The following HTR2C variants were observed in gnomAD, a reference collection of about 807,000 sequenced individuals.
The protein encoded by HTR2C is 5-hydroxytryptamine receptor 2C, also known as 5-hydroxytryptamine (serotonin) receptor 2C, G protein-coupled.
A neutral mutation model predicts 21.0 loss-of-function variants in HTR2C; 5 were observed. The ratio of observed to expected loss-of-function variants is 0.24; its 90% CI spans 0.12 to 0.50. The LOEUF is 0.50. Ranked by LOEUF, HTR2C falls within the 20% of genes least tolerant of loss-of-function variation. The pLI is 0.98. For synonymous variants in HTR2C, 150 were observed against 145.3 expected, an observed-to-expected ratio of 1.03 and a Z score of -0.23; for missense variants, 271 against 371.2, an observed-to-expected ratio of 0.73 and a Z score of 2.22.
At chrX:114,631,893 A>G (rs782456513) in intron 2 of HTR2C, among the ~76,000 whole-genome samples, 177 of 111,772 alleles carry the variant, frequency 1.6e-3, no homozygotes, top group African/African-American at 5.5e-3. Flanking sequence ...TCAATTTTTC[A>G]TTTATTCTGT....
intron 2 of HTR2C, among the ~76,000 whole-genome samples, chrX:114,649,774 A>T (rs1201710923): frequency 1.8e-5 from 2 of 109,962 alleles, no homozygotes; most frequent in African/African-American, 3.3e-5. Context: ...CATCACCACG[A>T]CTGGCTAATT....
chrX:114,646,670 T>C (rs1309176705), intron 2 of HTR2C, among the ~76,000 whole-genome samples: 1 of 112,248 alleles, frequency 8.9e-6, no homozygotes, highest in East Asian at 2.8e-4. Context: ...AGAAACTTTT[T>C]AGTTTGATGC....
chrX:114,782,646 A>T (rs1237405838), intron 4 of HTR2C, among the ~76,000 whole-genome samples: 1 of 110,606 alleles, frequency 9.0e-6, no homozygotes, highest in Admixed American at 9.7e-5. Context: ...TGACCCCACA[A>T]GATCAAGGAT....
In HTR2C at chrX:114,645,770, G is replaced by GA. The variant is rs782220731; in HGVS notation, c.-80+31895dup. Among the ~76,000 whole-genome samples the GA allele has an allele frequency of 1.3e-4, 14 of 111,745 alleles. No homozygotes were observed. In the East Asian group the frequency reaches 2.8e-3, roughly 22 times the overall value. ...ATAAATAAGAAAAAGACATTTTTAT[G>GA]AAAAAAGATAAGATATGGACCTTTT... On this transcript the variant is annotated intron_variant, in intron 2 of 5. Transcript: ENST00000276198.
intron 5 of HTR2C, among the ~76,000 whole-genome samples, chrX:114,903,284 T>TA (rs782417803): frequency 9.1e-4 from 102 of 112,629 alleles, no homozygotes; most frequent in African/African-American, 3.1e-3. Context: ...TCATGGTTTC[T>TA]AAAAACAAAA....
chrX:114,703,605 G>A (rs1334223857), intron 2 of HTR2C, among the ~76,000 whole-genome samples: 1 of 111,870 alleles, frequency 8.9e-6, no homozygotes, highest in Non-Finnish European at 1.9e-5. Context: ...ACAAGAGAAA[G>A]CAGGAAAGAT....
chrX:114,849,093 T>G (rs1420500881), intron 5 of HTR2C, among the ~76,000 whole-genome samples: 1 of 112,222 alleles, frequency 8.9e-6, no homozygotes, highest in Non-Finnish European at 1.9e-5. Context: ...AGTTTTAAGA[T>G]TGTTCTATTG....
intron 4 of HTR2C, among the ~76,000 whole-genome samples, chrX:114,736,381 A>G (rs1303464761): frequency 1.8e-5 from 2 of 111,379 alleles, no homozygotes; most frequent in Non-Finnish European, 3.8e-5. Context: ...AATGGTAACA[A>G]TAAAGCAGAA....
chrX:114,824,423 T>C (rs901537426), intron 4 of HTR2C, among the ~76,000 whole-genome samples: 7 of 112,265 alleles, frequency 6.2e-5, no homozygotes, highest in East Asian at 2.8e-4. Flanking sequence ...TTTAGCTTTA[T>C]AAATAATTGG....
chrX:114,730,506 A>T (rs1226004548), intron 3 of HTR2C, among the ~76,000 whole-genome samples: 1 of 112,176 alleles, frequency 8.9e-6, no homozygotes, highest in Non-Finnish European at 1.9e-5. Flanking sequence ...AGGAAAGTTT[A>T]TAGCACAAAA....
chrX:114,884,449 A>G (rs1461559809), intron 5 of HTR2C, among the ~76,000 whole-genome samples: 2 of 111,654 alleles, frequency 1.8e-5, no homozygotes, highest in African/African-American at 3.2e-5. Context: ...AACTCAAACA[A>G]TTCAATGGTA....
chrX:114,763,063 C>A (rs782540421), intron 4 of HTR2C: 4 of 121,490 alleles, frequency 3.3e-5, no homozygotes, highest in African/African-American at 1.3e-4. Context: ...CACCCGTCAT[C>A]ATTCATAGTA....
intron 2 of HTR2C, among the ~76,000 whole-genome samples, chrX:114,719,225 G>A (rs1418421143): frequency 1.8e-5 from 2 of 109,270 alleles, no homozygotes; most frequent in Non-Finnish European, 3.8e-5. Flanking sequence ...GAATTTATAA[G>A]CATTCTTTTG....
At chrX:114,643,592 A>G (rs1250767312) in intron 2 of HTR2C, among the ~76,000 whole-genome samples, 1 of 111,202 alleles carries the variant, frequency 9.0e-6, no homozygotes, top group Non-Finnish European at 1.9e-5. Flanking sequence ...GAAAATCCAA[A>G]TTAATCCGTT....
chrX:114,884,828 C>G (rs1228366296), intron 5 of HTR2C, among the ~76,000 whole-genome samples: 1 of 111,222 alleles, frequency 9.0e-6, no homozygotes, highest in Admixed American at 9.6e-5. Flanking sequence ...ATTTAATTTC[C>G]ACGTATTTGT....
chrX:114,808,587 T>C (rs1299841685), intron 4 of HTR2C, among the ~76,000 whole-genome samples: 2 of 111,556 alleles, frequency 1.8e-5, no homozygotes, highest in Admixed American at 9.6e-5. Context: ...CCACCAACAG[T>C]GTACCAGGCT....
intron 2 of HTR2C, among the ~76,000 whole-genome samples, chrX:114,712,046 G>A (rs1556419231): frequency 1.8e-5 from 2 of 111,637 alleles, no homozygotes; most frequent in African/African-American, 3.2e-5. Context: ...AAGAAGCAAC[G>A]CTGCCTATGA....
chrX:114,896,657 T>A (rs1318274242), intron 5 of HTR2C, among the ~76,000 whole-genome samples: 1 of 112,354 alleles, frequency 8.9e-6, no homozygotes, highest in Non-Finnish European at 1.9e-5. Context: ...AATATAGCCA[T>A]GCTACCTTTC....
At chrX:114,677,428 T>G (rs781801857) in intron 2 of HTR2C, among the ~76,000 whole-genome samples, 5 of 107,582 alleles carry the variant, frequency 4.6e-5, no homozygotes, top group South Asian at 4.0e-4. Context: ...GAAATATTAG[T>G]TTTTTTTTTC....
Sources: allele counts gnomAD v4.1 joint callset (sites outside exome capture counted in the v4.1 genomes callset), GRCh38; gene constraint gnomAD v4.1.1; transcripts MANE v1.5; gene names NCBI Gene and HGNC (gene_info 2026-07-23, HGNC 2026-07-21).